Variants in SIPA1L1 observed in about 807,000 individuals in gnomAD.
The protein encoded by SIPA1L1 is signal induced proliferation associated 1 like 1.
Under a neutral mutation model 162.7 loss-of-function variants are expected in SIPA1L1, and 26 were observed. The ratio of observed to expected loss-of-function variants is 0.16; its 90% CI spans 0.12 to 0.22. The LOEUF (loss-of-function observed/expected upper bound fraction) is 0.22, where lower values mean the gene tolerates loss of function less well. SIPA1L1 is among the 10% of genes least tolerant of loss of function. The pLI, the probability that SIPA1L1 is intolerant of heterozygous loss-of-function variation, is 1.00. For missense variants in SIPA1L1, 1,874 were observed against 2,241.0 expected (o/e 0.84, Z 3.31); for synonymous variants, 829 against 837.4 (o/e 0.99, Z 0.17).
chr14:71,634,441 T>C (rs1338069813), intron 7 of SIPA1L1, among the ~76,000 whole-genome samples: 1 of 149,020 alleles, frequency 6.7e-6, no homozygotes, highest in Admixed American at 6.7e-5. Flanking sequence ...GGAAGAACAA[T>C]TTGAATCACA....
intron 2 of SIPA1L1, among the ~76,000 whole-genome samples, chr14:71,452,668 TC>T (rs1267475493): frequency 1.3e-5 from 2 of 152,158 alleles, no homozygotes; most frequent in Non-Finnish European, 2.9e-5. Context: ...GTGTGAGAGT[TC>T]CAGTGGCTCC....
chr14:71,358,803 T>C (rs2140820684), intron 2 of SIPA1L1, among the ~76,000 whole-genome samples: 1 of 152,248 alleles, frequency 6.6e-6, no homozygotes, highest in Admixed American at 6.5e-5. Context: ...CAGGCACGTC[T>C]TGCATGGCTG....
intron 2 of SIPA1L1, among the ~76,000 whole-genome samples, chr14:71,458,773 G>A (rs1333096583): frequency 2.6e-5 from 4 of 151,910 alleles, no homozygotes; most frequent in Admixed American, 2.0e-4. Flanking sequence ...GGTGTCTGAG[G>A]CTAAGGAGAA....
intron 4 of SIPA1L1, chr14:71,586,438 A>G (rs2034617622): frequency 6.6e-6 from 1 of 152,220 alleles, no homozygotes; most frequent in Non-Finnish European, 1.5e-5. Context: ...CCGGTGTCAG[A>G]GCCGTGATTT....
At chr14:71,652,847 G>A (rs2042742238) in intron 8 of SIPA1L1, among the ~76,000 whole-genome samples, 1 of 151,816 alleles carries the variant, frequency 6.6e-6, no homozygotes, top group Non-Finnish European at 1.5e-5. Flanking sequence ...ACCTTTTTAG[G>A]TTCACGCTGT....
chr14:71,380,385 G>A lies in SIPA1L1; in HGVS notation c.-465+59204G>A, dbSNP rs193221352. Among the ~76,000 whole-genome samples the A allele has an allele frequency of 6.8e-3, 1,034 of 152,308 alleles. 8 individuals are homozygous for A. Among genetic ancestry groups the A allele is most frequent in the Non-Finnish European group, 0.011 (734 of 68,024 alleles). Reference sequence around the variant, plus strand: ...CCAGATACAGTCCTGCATGAAGGTAGACAGCTGCCCAAATATGGTACTTAA... The same window carrying A: ...CCAGATACAGTCCTGCATGAAGGTAAACAGCTGCCCAAATATGGTACTTAA... On this transcript the variant is annotated intron_variant, in intron 2 of 23. Coordinates refer to ENST00000381232, the MANE Select transcript of SIPA1L1 (RefSeq NM_001386936.1).
chr14:71,377,279 G>T lies in SIPA1L1; in HGVS notation c.-465+56098G>T, dbSNP rs1044479865. On this transcript the variant is annotated intron_variant, in intron 2 of 23. Coordinates refer to ENST00000381232, the MANE Select transcript of SIPA1L1 (RefSeq NM_001386936.1). This position sits in a 1 kb window ranked among gnomAD's most constrained non-coding sequence, Gnocchi z 4.8. ...CAGACGGGGCGGCGGCCGGACGGGG[G>T]CGTTCTCCACTTCTCAGACAGGGCG... Among the ~76,000 whole-genome samples, 1 of 151,808 alleles carries T rather than the reference G, an allele frequency of 6.6e-6. No individual in the cohort carries two copies. The highest frequency in any genetic ancestry group is 2.0e-4 in the East Asian group (1 of 5,120).
chr14:71,471,263 G>T (rs1459105569), intron 2 of SIPA1L1, among the ~76,000 whole-genome samples: 2 of 152,222 alleles, frequency 1.3e-5, no homozygotes, highest in African/African-American at 2.4e-5. Context: ...GAGATCAAGA[G>T]TTCTAGACCA....
chr14:71,416,467 T>C (rs1384941221), intron 2 of SIPA1L1, among the ~76,000 whole-genome samples: 2 of 152,196 alleles, frequency 1.3e-5, no homozygotes, highest in African/African-American at 4.8e-5. Flanking sequence ...AAATATCTTC[T>C]TTTAATAGAA....
At chr14:71,603,097 A>G (rs1033358832) in intron 5 of SIPA1L1, among the ~76,000 whole-genome samples, 2 of 152,216 alleles carry the variant, frequency 1.3e-5, no homozygotes, top group Non-Finnish European at 2.9e-5. Flanking sequence ...TCTATCTTAT[A>G]TAATGGCCTT....
chr14:71,542,704 C>CCCTCCT (rs147003051), intron 4 of SIPA1L1, among the ~76,000 whole-genome samples: 19 of 105,860 alleles, frequency 1.8e-4, no homozygotes, highest in East Asian at 6.1e-4. Flanking sequence ...TTCTCCTCCT[C>CCCTCCT]CCTCCTCCTC....
At chr14:71,525,872 T>G (rs2052815497) in intron 3 of SIPA1L1, among the ~76,000 whole-genome samples, 1 of 152,224 alleles carries the variant, frequency 6.6e-6, no homozygotes, top group African/African-American at 2.4e-5. Context: ...TATGTTAAAA[T>G]GCAGGGACTT....
intron 7 of SIPA1L1, among the ~76,000 whole-genome samples, chr14:71,647,416 A>G (rs1438149333): frequency 6.6e-6 from 1 of 151,896 alleles, no homozygotes; most frequent in East Asian, 1.9e-4. Context: ...ATGAATCTAA[A>G]TAAATTAATC....
chr14:71,426,846 C>G (rs993750490), intron 2 of SIPA1L1, among the ~76,000 whole-genome samples: 15 of 152,134 alleles, frequency 9.9e-5, no homozygotes, highest in Non-Finnish European at 2.9e-5. Flanking sequence ...GTTCAGGCAC[C>G]ACCTTTTTCA....
At chr14:71,724,902 T>C in intron 19 of SIPA1L1, 67 bp downstream of exon 19, 12 of 1,395,242 alleles carry the variant, frequency 8.6e-6, no homozygotes, top group Admixed American at 2.0e-5. Context: ...CTATTAACCA[T>C]AGTCACACTT....
At chr14:71,722,342 A>G (rs939893300) in intron 17 of SIPA1L1, among the ~76,000 whole-genome samples, 3 of 152,198 alleles carry the variant, frequency 2.0e-5, no homozygotes, top group Non-Finnish European at 4.4e-5. Context: ...TCCCCAAGTC[A>G]ATATTGATAC....
At chr14:71,423,232 T>C (rs1167921733) in intron 2 of SIPA1L1, among the ~76,000 whole-genome samples, 3 of 152,324 alleles carry the variant, frequency 2.0e-5, no homozygotes, top group Non-Finnish European at 1.5e-5. Context: ...TTGTCAGATA[T>C]ATGAATATGA....
chr14:71,720,170 C>T (rs2083593812), intron 17 of SIPA1L1, among the ~76,000 whole-genome samples: 1 of 152,042 alleles, frequency 6.6e-6, no homozygotes, highest in African/African-American at 2.4e-5. Flanking sequence ...CTTCTTGTAC[C>T]TGGATATTTA....
At chr14:71,488,038 A>G (rs1188274454) in intron 2 of SIPA1L1, among the ~76,000 whole-genome samples, 1 of 152,162 alleles carries the variant, frequency 6.6e-6, no homozygotes, top group Non-Finnish European at 1.5e-5. Context: ...CTATGCTTTC[A>G]CTTCTCATGG....
Sources: gnomAD v4.1 joint callset for allele counts (sites outside exome capture counted in the v4.1 genomes callset) on GRCh38, gnomAD v4.1.1 for gene constraint, Gnocchi (gnomAD v3.1) non-coding constraint, MANE v1.5 for transcripts, NCBI Gene and HGNC (gene_info 2026-07-23, HGNC 2026-07-21) for gene names.